SLC6A8: variants seen among roughly 807,000 people sequenced by gnomAD.
SLC6A8 encodes solute carrier family 6 member 8, also known as sodium- and chloride-dependent creatine transporter 1.
A neutral mutation model predicts 48.3 loss-of-function variants in SLC6A8; 6 were observed. The observed-to-expected ratio is 0.12, with a 90% confidence interval of 0.07 to 0.25. The LOEUF (loss-of-function observed/expected upper bound fraction) is 0.25, where lower values mean the gene tolerates loss of function less well. SLC6A8 is among the 10% of genes least tolerant of loss of function. SLC6A8 has a pLI of 1.00. For missense variants in SLC6A8, 260 were observed against 551.5 expected (o/e 0.47, Z 5.29); for synonymous variants, 245 against 244.0 (o/e 1.00, Z -0.04).
rs782613443 is a variant in SLC6A8, at chrX:153,696,523, C to T, written c.*1309C>T. 3.1e-5 allele frequency: 10 copies of T among 325,997 alleles called. No homozygotes were observed. Among genetic ancestry groups the T allele is most frequent in the Middle Eastern group, 9.1e-4 (2 of 2,186 alleles). 26.9% of individuals were successfully genotyped at this position (325,997 alleles called of 1,213,427 possible). On this transcript the variant is annotated 3_prime_UTR_variant, in exon 13 of 13. Coordinates refer to ENST00000253122, the MANE Select transcript of SLC6A8 (RefSeq NM_005629.4). Reference sequence around the variant, plus strand: ...GGGCTGGGTGAGGGTGGCGGGCCTGCGGGGACATTCTACTGTGCTAAAAAG... The same window carrying T: ...GGGCTGGGTGAGGGTGGCGGGCCTGTGGGGACATTCTACTGTGCTAAAAAG...
chrX:153,691,072 G>T, intron 2 of SLC6A8: 1 of 411,390 alleles, frequency 2.4e-6, no homozygotes, highest in Non-Finnish European at 4.3e-6. Context: ...GGAGGAGAGG[G>T]GCTCGCTCTG....
chrX:153,693,702 C>A, intron 7 of SLC6A8, 116 bp downstream of exon 7: 1 of 951,694 alleles, frequency 1.1e-6, no homozygotes, highest in South Asian at 2.0e-5. Flanking sequence ...CGGAACTTGT[C>A]AGATTGTGGG....
intron 7 of SLC6A8, 74 bp downstream of exon 7, chrX:153,693,660 A>AT (rs2091470296): frequency 9.2e-7 from 1 of 1,081,270 alleles, no homozygotes; most frequent in Non-Finnish European, 1.3e-6. Flanking sequence ...GGAACATGCA[A>AT]TAGAAATGCT....
intron 2 of SLC6A8, 46 bp downstream of exon 2, chrX:153,690,552 C>T: frequency 3.5e-6 from 4 of 1,146,923 alleles, no homozygotes. Flanking sequence ...CTTCTCCCAG[C>T]TGGCTCCCAC....
In SLC6A8 at chrX:153,695,846, A is replaced by G. The variant is rs1394733551; in HGVS notation, c.*632A>G. Reference sequence around the variant, plus strand: ...GCACGCGTGCGTGAGTACGGAGAGTATATATAGATCTCTATCTCTTAGCAA... The same window carrying G: ...GCACGCGTGCGTGAGTACGGAGAGTGTATATAGATCTCTATCTCTTAGCAA... On this transcript the variant is annotated 3_prime_UTR_variant, in exon 13 of 13. Coordinates refer to ENST00000253122, the MANE Select transcript of SLC6A8 (RefSeq NM_005629.4). 1.1e-4 allele frequency: 15 copies of G among 132,649 alleles called. No individual in the cohort carries two copies. Among genetic ancestry groups the G allele is most frequent in the Non-Finnish European group, 2.3e-4 (15 of 65,486 alleles). 10.9% of individuals were successfully genotyped at this position (132,649 alleles called of 1,213,427 possible).
At position 153,688,775 on chromosome X, in the gene SLC6A8, C is replaced by T. The variant is rs782020168; in HGVS notation, c.201C>T (p.Gly67=). 8.8e-7 allele frequency: 1 copy of T among 1,141,310 alleles called. No individual in the cohort carries two copies. Among genetic ancestry groups the T allele is most frequent in the Non-Finnish European group, 1.2e-6 (1 of 857,876 alleles). 94.1% of individuals were successfully genotyped at this position (1,141,310 alleles called of 1,213,427 possible). The change falls in exon 1 of 13, where the codon GGC becomes GGT. Residue 67 remains glycine, a synonymous_variant. Transcript: ENST00000253122. ...RQMDFIMSCV[G]FAVGLGNVWR... is the part of the protein sequence containing the mutation. Reference sequence around the variant, plus strand: ...TGGACTTCATCATGTCGTGCGTGGGCTTCGCCGTGGGCTTGGGCAACGTGT... The same window carrying T: ...TGGACTTCATCATGTCGTGCGTGGGTTTCGCCGTGGGCTTGGGCAACGTGT...
Position 153,695,338 on chromosome X carries a change from G to A in SLC6A8, c.*124G>A, listed in dbSNP as rs1461000716. ...TTTGGGGTCTGCCTGGGGGAGGAGG[G>A]GAGAAAGCACCATGAGTGCTCACTA... On this transcript the variant is annotated 3_prime_UTR_variant, in exon 13 of 13. Transcript: ENST00000253122. 6.0e-5 allele frequency: 44 copies of A among 730,051 alleles called. No individual in the cohort carries two copies. In the South Asian group the frequency reaches 8.9e-4, roughly 15 times the overall value. The allele number at this position is 730,051 out of a possible 1,213,427, so 60.2% of individuals were successfully genotyped here.
rs376385129 is a variant in SLC6A8 at position 153,695,196 on chromosome X, G to C, written c.1890G>C (p.Val630=). The C allele has an allele frequency of 1.8e-4, 218 of 1,184,274 alleles. 6 individuals are homozygous for C. The highest frequency in any genetic ancestry group is 1.6e-3 in the East Asian group (51 of 32,251). The change falls in exon 13 of 13, where the codon GTG becomes GTC. Residue 630 remains valine (V), a synonymous_variant. Transcript: ENST00000253122. ...TPVSESSKVV[V]VESVM is the part of the protein sequence containing the mutation. Reference sequence around the variant, plus strand: ...TGTCCGAGAGCAGCAAGGTCGTCGTGGTGGAGAGTGTCATGTGACAACTCA... The same window carrying C: ...TGTCCGAGAGCAGCAAGGTCGTCGTCGTGGAGAGTGTCATGTGACAACTCA...
At position 153,688,411 on chromosome X, in the gene SLC6A8, C is replaced by CCCCGCCGCCCG. The variant is rs1211783425; in HGVS notation, c.-153_-143dup. 4 of 101,278 alleles carry CCCCGCCGCCCG rather than the reference C, an allele frequency of 3.9e-5. No individual in the cohort carries two copies. Among genetic ancestry groups the CCCCGCCGCCCG allele is most frequent in the Admixed American group, 2.0e-4 (2 of 9,847 alleles). 8.3% of individuals were successfully genotyped at this position (101,278 alleles called of 1,213,427 possible). A position where few individuals can be genotyped will look rare whatever the true frequency, so the allele number is the denominator to read the frequency against. ...CTGACTGCGCCGCCCGCGCCCCGCACCCCGCCGCCCGCCCGCCGCCCCGTC... is the reference window on the plus strand; with the variant it reads ...CTGACTGCGCCGCCCGCGCCCCGCACCCCGCCGCCCGCCCGCCGCCCGCCCGCCGCCCCGTC... On this transcript the variant is annotated 5_prime_UTR_variant, in exon 1 of 13. Coordinates refer to ENST00000253122, the MANE Select transcript of SLC6A8 (RefSeq NM_005629.4).
chrX:153,693,165 G>A lies in SLC6A8; in HGVS notation c.902G>A (p.Gly301Glu). ...CTCAAGCCTGACTGGTCAAAGCTGG[G>A]GTCCCCTCAGGTGAGGTGGAGGTGG... ...YYLKPDWSKL[G>E]SPQVWIDAGT... Residue 301 changes from glycine to glutamate, a missense_variant, in exon 5 of 13, where the codon GGG (glycine) becomes GAG (glutamate). By Grantham distance (98) the Gly-to-Glu change is moderately conservative. Coordinates refer to ENST00000253122, the MANE Select transcript of SLC6A8 (RefSeq NM_005629.4). 8.3e-7 allele frequency: 1 copy of A among 1,210,895 alleles called. No homozygotes were observed. The highest frequency in any genetic ancestry group is 1.1e-6 in the Non-Finnish European group (1 of 895,032).
Position 153,695,606 on chromosome X carries a change from A to G in SLC6A8, c.*392A>G. 1 of 208,099 alleles carries G rather than the reference A, an allele frequency of 4.8e-6. No homozygotes were observed. Among genetic ancestry groups the G allele is most frequent in the Non-Finnish European group, 8.8e-6 (1 of 113,971 alleles). 17.1% of individuals were successfully genotyped at this position (208,099 alleles called of 1,213,427 possible). On this transcript the variant is annotated 3_prime_UTR_variant, in exon 13 of 13. Coordinates refer to ENST00000253122, the MANE Select transcript of SLC6A8 (RefSeq NM_005629.4). ...CCAGAAGCAGCAGTGGCAGCTTGGGAAATGTGAGGAAGGGAAGGAGGGAGA... is the reference window on the plus strand; with the variant it reads ...CCAGAAGCAGCAGTGGCAGCTTGGGGAATGTGAGGAAGGGAAGGAGGGAGA...
At chrX:153,690,947 G>A (rs2091453239) in intron 2 of SLC6A8, 1 of 269,363 alleles carries the variant, frequency 3.7e-6, no homozygotes, top group African/African-American at 2.9e-5. Context: ...GGAGGCTACT[G>A]GGTGGCCAGG....
At chrX:153,691,693 C>G in intron 3 of SLC6A8, 140 bp downstream of exon 3, 1 of 825,705 alleles carries the variant, frequency 1.2e-6, no homozygotes, top group Non-Finnish European at 1.8e-6. Context: ...CCTTGCCTGT[C>G]CTCGGAGAGT....
chrX:153,694,686 G>A (rs782089361), intron 11 of SLC6A8, 33 bp from the exon 12 acceptor site: 3 of 1,209,183 alleles, frequency 2.5e-6, no homozygotes, highest in East Asian at 3.0e-5. Context: ...GGCGGGGTAG[G>A]GGCCCCATTA....
intron 3 of SLC6A8, among the ~76,000 whole-genome samples, 158 bp from the exon 4 acceptor site, chrX:153,691,817 C>T (rs1340066746): frequency 8.9e-6 from 1 of 112,906 alleles, no homozygotes; most frequent in Non-Finnish European, 1.9e-5. Context: ...CTCCCAATGG[C>T]CAGGGGATCG....
At chrX:153,690,756 G>A in intron 2 of SLC6A8, 1 of 392,463 alleles carries the variant, frequency 2.5e-6, no homozygotes, top group Admixed American at 4.1e-5. Flanking sequence ...GACCTGCCCA[G>A]CAGCACCCTT....
chrX:153,694,023 C>T lies in SLC6A8; in HGVS notation c.1254+6C>T, dbSNP rs782764159. 48 of 1,176,524 alleles carry T rather than the reference C, an allele frequency of 4.1e-5. No homozygotes were observed. The highest frequency in any genetic ancestry group is 2.9e-4 in the Middle Eastern group (1 of 3,468). ...TGCTTGGTCTCGACAGCCAGGTTTG[C>T]ATGGGGCTCTGGGACAGGGAGCCAG... On this transcript the variant is annotated splice_donor_region_variant and intron_variant, in intron 8 of 12. Transcript: ENST00000253122.
intron 7 of SLC6A8, 56 bp from the exon 8 acceptor site, chrX:153,693,849 G>A: frequency 2.1e-6 from 2 of 970,543 alleles, no homozygotes; most frequent in Admixed American, 2.6e-5. Flanking sequence ...AGGGCTCAGG[G>A]TGCGCACAGG....
Position 153,694,859 on chromosome X carries a change from C to T in SLC6A8, c.1737C>T (p.Cys579=). The T allele has an allele frequency of 1.1e-5, 13 of 1,203,667 alleles. No individual in the cohort carries two copies. The highest frequency in any genetic ancestry group is 1.1e-5 in the Non-Finnish European group (10 of 891,392). ...GCGTGCCGCTGCACCTCCTGGGCTG[C>T]CTCCTCAGGGCCAAGGGCACCATGG... The part of the protein sequence containing the change: ...MLCVPLHLLG[C]LLRAKGTMAE... Residue 579 remains cysteine, a synonymous_variant, in exon 12 of 13, where the codon TGC becomes TGT. Coordinates refer to ENST00000253122, the MANE Select transcript of SLC6A8 (RefSeq NM_005629.4).
Sources: gnomAD v4.1 joint callset for allele counts (sites outside exome capture counted in the v4.1 genomes callset) on GRCh38, gnomAD v4.1.1 for gene constraint, MANE v1.5 for transcripts, NCBI Gene and HGNC (gene_info 2026-07-23, HGNC 2026-07-21) for gene names.